Variants in GALNT13 observed in about 807,000 individuals in gnomAD.
GALNT13 encodes polypeptide N-acetylgalactosaminyltransferase 13.
A neutral mutation model predicts 64.2 loss-of-function variants in GALNT13; 28 were observed. The observed-to-expected ratio is 0.44, with a 90% confidence interval of 0.32 to 0.60. The LOEUF is 0.60. GALNT13 is among the 20% of genes least tolerant of loss of function. The pLI is 0.05. For missense variants in GALNT13, 577 were observed against 669.8 expected, an observed-to-expected ratio of 0.86 and a Z score of 1.53; for synonymous variants, 214 against 224.6, an observed-to-expected ratio of 0.95 and a Z score of 0.42.
At chr2:153,388,113 T>A in the GALNT13 span, among the ~76,000 whole-genome samples, 2 of 151,858 alleles carry the variant, frequency 1.3e-5, no homozygotes, top group East Asian at 3.9e-4. Context: ...AGGGAAAATA[T>A]AGACCCTAGT....
chr2:153,184,712 T>C, the GALNT13 span, among the ~76,000 whole-genome samples: 1 of 152,212 alleles, frequency 6.6e-6, no homozygotes, highest in Non-Finnish European at 1.5e-5. Flanking sequence ...CTTTACCGCA[T>C]CTATTGAGAT....
At chr2:153,418,720 T>C in the GALNT13 span, among the ~76,000 whole-genome samples, 2 of 152,098 alleles carry the variant, frequency 1.3e-5, no homozygotes, top group South Asian at 4.1e-4. Context: ...TAGCCGGGCA[T>C]GGTGGTGCAT....
the GALNT13 span, among the ~76,000 whole-genome samples, chr2:153,456,449 G>A: frequency 1.3e-5 from 2 of 152,278 alleles, no homozygotes. Context: ...GCTAATATGT[G>A]GCTGAGCATT....
chr2:153,490,088 A>C, the GALNT13 span, among the ~76,000 whole-genome samples: 7 of 152,122 alleles, frequency 4.6e-5, no homozygotes, highest in Admixed American at 1.3e-4. Flanking sequence ...TAAGCTTGCT[A>C]ATGTGTTTCT....
chr2:154,080,279 A>C (rs1701207788), intron 3 of GALNT13, among the ~76,000 whole-genome samples: 1 of 151,576 alleles, frequency 6.6e-6, no homozygotes, highest in South Asian at 2.1e-4. Context: ...ACTGTTGATC[A>C]AATAAAGCTA....
chr2:153,438,747 T>G, the GALNT13 span, among the ~76,000 whole-genome samples: 1 of 152,154 alleles, frequency 6.6e-6, no homozygotes, highest in Admixed American at 6.5e-5. Flanking sequence ...TCAAGGTTTT[T>G]AACTTCTTTG....
At chr2:154,421,614 C>T (rs376857658) in intron 11 of GALNT13, among the ~76,000 whole-genome samples, 4 of 95,154 alleles carry the variant, frequency 4.2e-5, no homozygotes, top group African/African-American at 1.2e-4. Context: ...TTTTCCAAAT[C>T]TATTCTTAAC....
At chr2:154,267,629 G>A (rs1691089046) in intron 8 of GALNT13, among the ~76,000 whole-genome samples, 1 of 152,108 alleles carries the variant, frequency 6.6e-6, no homozygotes, top group South Asian at 2.1e-4. Flanking sequence ...AACAAAGTGA[G>A]ACTTCGTCTC....
chr2:153,147,131 C>A, the GALNT13 span, among the ~76,000 whole-genome samples: 3 of 148,808 alleles, frequency 2.0e-5, no homozygotes, highest in East Asian at 2.0e-4. Flanking sequence ...GCTAAATAGA[C>A]CCCCATTCCC....
the GALNT13 span, among the ~76,000 whole-genome samples, chr2:153,541,651 A>G: frequency 8.5e-5 from 13 of 152,246 alleles, no homozygotes; most frequent in Admixed American, 7.8e-4. Context: ...TAAGACCTTC[A>G]TTCCAGAGGG....
chr2:153,538,362 A>ATTTTTTTTTTTTTTTTTTTACTT, the GALNT13 span, among the ~76,000 whole-genome samples: 1 of 60,008 alleles, frequency 1.7e-5, no homozygotes, highest in Non-Finnish European at 3.3e-5. Context: ...ATTTATTTTT[A>ATTTTTTTTTTTTTTTTTTTACTT]TTTTATTTAT....
rs75211819 is a variant in GALNT13, at chr2:153,877,480, C to T, written c.-177+5177C>T. On this transcript the variant is annotated intron_variant, in intron 1 of 12. Transcript: ENST00000392825. Reference sequence around the variant, plus strand: ...CAATCAAAAATCATCCAAATAACATCTTGAAGATAGTAGTAAATGTCAACT... The same window carrying T: ...CAATCAAAAATCATCCAAATAACATTTTGAAGATAGTAGTAAATGTCAACT... Among the ~76,000 whole-genome samples, 1,136 of 152,194 alleles carry T rather than the reference C, an allele frequency of 7.5e-3. 17 individuals carry two copies. Among genetic ancestry groups the T allele is most frequent in the African/African-American group, 0.026 (1,093 of 41,540 alleles).
the GALNT13 span, among the ~76,000 whole-genome samples, chr2:153,670,417 G>A: frequency 2.4e-3 from 366 of 152,274 alleles, 2 homozygotes; most frequent in Admixed American, 0.019. Context: ...AGGGTATGGA[G>A]TGAACCTCCA....
intron 12 of GALNT13, chr2:154,441,620 A>G (rs1701301785): frequency 1.3e-5 from 2 of 152,176 alleles, no homozygotes; most frequent in African/African-American, 4.8e-5. Context: ...AGCTATCAGT[A>G]CAATTGTGAA....
At chr2:154,082,773 G>A (rs1298976640) in intron 3 of GALNT13, among the ~76,000 whole-genome samples, 1 of 151,768 alleles carries the variant, frequency 6.6e-6, no homozygotes, top group Admixed American at 6.6e-5. Flanking sequence ...TTTGTTTCTT[G>A]AAAATTTGTT....
chr2:153,562,379 G>A, the GALNT13 span, among the ~76,000 whole-genome samples: 1 of 151,830 alleles, frequency 6.6e-6, no homozygotes, highest in Non-Finnish European at 1.5e-5. Context: ...TTATTTGATA[G>A]TGACAATCAC....
chr2:153,398,041 T>C, the GALNT13 span, among the ~76,000 whole-genome samples: 1 of 151,790 alleles, frequency 6.6e-6, no homozygotes, highest in South Asian at 2.1e-4. Flanking sequence ...CATCTAGCAT[T>C]AGGTATATCT....
rs571183979 is a variant in GALNT13 at position 154,267,500 on chromosome 2, C to T, written c.975+8362C>T. ...ACTAAAAATACAAAAATTAGCTGGGCGTGGTCGTGGGCGCCTGTAATCCCA... is the reference window on the plus strand; with the variant it reads ...ACTAAAAATACAAAAATTAGCTGGGTGTGGTCGTGGGCGCCTGTAATCCCA... On this transcript the variant is annotated intron_variant, in intron 8 of 12. Transcript: ENST00000392825. Among the ~76,000 whole-genome samples the T allele has an allele frequency of 3.3e-5, 5 of 151,954 alleles. No individual in the cohort carries two copies. The South Asian group carries it at 6.2e-4, about 19-fold the overall frequency.
At chr2:153,846,826 C>T in the GALNT13 span, among the ~76,000 whole-genome samples, 1 of 152,044 alleles carries the variant, frequency 6.6e-6, no homozygotes, top group East Asian at 1.9e-4. Flanking sequence ...TGCACCAAAC[C>T]AAGTAGGGCA....
Sources: gnomAD v4.1 joint callset for allele counts (sites outside exome capture counted in the v4.1 genomes callset) on GRCh38, gnomAD v4.1.1 for gene constraint, MANE v1.5 for transcripts, NCBI Gene and HGNC (gene_info 2026-07-23, HGNC 2026-07-21) for gene names.